The following SEPTIN9 variants were observed in gnomAD, a reference collection of about 807,000 sequenced individuals.
SEPTIN9 encodes septin 9.
Under a neutral mutation model 56.6 loss-of-function variants are expected in SEPTIN9, and 13 were observed. That is an observed-to-expected ratio of 0.23 (90% CI 0.15 to 0.37). SEPTIN9 has a LOEUF of 0.37. Among genes scored for constraint, SEPTIN9 ranks in the 10% least tolerant of loss-of-function variants. SEPTIN9 has a pLI of 1.00. For missense variants in SEPTIN9, 650 were observed against 823.1 expected, an observed-to-expected ratio of 0.79 and a Z score of 2.57; for synonymous variants, 332 against 334.1, an observed-to-expected ratio of 0.99 and a Z score of 0.07.
Position 77,335,314 on chromosome 17 carries a change from G to A in SEPTIN9, c.76+28117G>A, listed in dbSNP as rs113931909. ...TATTAGTATATGTACATATATACAT[G>A]TAGGCCCCATGTTGACTGTATATGT... On this transcript the variant is annotated intron_variant, in intron 2 of 11. Coordinates refer to ENST00000427177, the MANE Select transcript of SEPTIN9 (RefSeq NM_001113491.2). 8.1e-5 allele frequency among the ~76,000 whole-genome samples: 12 copies of A among 147,374 alleles called. No homozygotes were observed. In the South Asian group the frequency reaches 1.1e-3, roughly 13 times the overall value.
In SEPTIN9 at chr17:77,482,170, G is replaced by A. The variant is rs568388045; in HGVS notation, c.748G>A (p.Gly250Ser). 25 of 1,596,368 alleles carry A rather than the reference G, an allele frequency of 1.6e-5. No homozygotes were observed. Among genetic ancestry groups the A allele is most frequent in the Non-Finnish European group, 1.5e-5 (18 of 1,172,312 alleles). The change falls in exon 4 of 12, where the codon GGC becomes AGC. Residue 250 changes from glycine (G) to serine (S), a missense_variant. Transcript: ENST00000427177. Reference sequence around the variant, plus strand: ...CACTGAGGCGGCTCCCAGCTGCGTTGGCGACATGGCCGACACCCCCAGAGA... The same window carrying A: ...CACTGAGGCGGCTCCCAGCTGCGTTAGCGACATGGCCGACACCCCCAGAGA... ...EATEAAPSCV[G>S]DMADTPRDAG...
chr17:77,472,151 A>AG (rs1033877846), intron 3 of SEPTIN9, among the ~76,000 whole-genome samples: 2 of 151,912 alleles, frequency 1.3e-5, no homozygotes, highest in Non-Finnish European at 2.9e-5. Flanking sequence ...CAGGCTAGGG[A>AG]GGTGGTGGGT....
At position 77,499,839 on chromosome 17, in the gene SEPTIN9, C is replaced by T; in HGVS notation, c.*1181C>T. The T allele has an allele frequency of 3.2e-6, 1 of 314,718 alleles. No homozygotes were observed. Among genetic ancestry groups the T allele is most frequent in the Non-Finnish European group, 6.0e-6 (1 of 166,768 alleles). The allele number at this position is 314,718 out of a possible 1,614,324, so 19.5% of individuals were successfully genotyped here. ...CCTGACTCTGTTGATCTACCCGTGC[C>T]TGGGCCCCTCCCCTCAGAGCCCATG... On this transcript the variant is annotated 3_prime_UTR_variant, in exon 12 of 12. Transcript: ENST00000427177.
chr17:77,337,121 C>T (rs2033580652), intron 2 of SEPTIN9, among the ~76,000 whole-genome samples: 1 of 151,792 alleles, frequency 6.6e-6, no homozygotes, highest in African/African-American at 2.4e-5. Flanking sequence ...CCACCTCAGC[C>T]TCCTAAGTAG....
intron 2 of SEPTIN9, among the ~76,000 whole-genome samples, chr17:77,350,106 T>C (rs972463479): frequency 1.3e-5 from 2 of 152,250 alleles, no homozygotes; most frequent in Non-Finnish European, 2.9e-5. Flanking sequence ...CCAGGAGTTA[T>C]GGCTGTTTCA....
At position 77,498,676 on chromosome 17, in the gene SEPTIN9, C is replaced by CCCCCGGA; in HGVS notation, c.*20_*21insCCGGACC. ...AGATGTAGACGCCACCCTGCCCACC[C>CCCCCGGA]CCGGGATCCTGCCCCCAAGTCATTT... On this transcript the variant is annotated 3_prime_UTR_variant, in exon 12 of 12. Transcript: ENST00000427177. 6.6e-7 allele frequency: 1 copy of CCCCCGGA among 1,525,766 alleles called. No homozygotes were observed. Among genetic ancestry groups the CCCCCGGA allele is most frequent in the Non-Finnish European group, 8.8e-7 (1 of 1,132,780 alleles). The allele number at this position is 1,525,766 out of a possible 1,614,324, so 94.5% of individuals were successfully genotyped here. A position where few individuals can be genotyped will look rare whatever the true frequency, so the allele number is the denominator to read the frequency against.
At chr17:77,345,784 G>C (rs1291739552) in intron 2 of SEPTIN9, among the ~76,000 whole-genome samples, 2 of 152,286 alleles carry the variant, frequency 1.3e-5, no homozygotes, top group African/African-American at 2.4e-5. Context: ...CCTGTGGATA[G>C]AGCCTGACAT....
chr17:77,376,276 G>A (rs866118713), intron 2 of SEPTIN9: 120 of 985,850 alleles, frequency 1.2e-4, no homozygotes, highest in South Asian at 1.4e-4. Context: ...AGGCATGCCC[G>A]CCGGGAGTGC....
At chr17:77,283,658 A>G (rs1345101017) in intron 1 of SEPTIN9, among the ~76,000 whole-genome samples, 1 of 152,210 alleles carries the variant, frequency 6.6e-6, no homozygotes, top group South Asian at 2.1e-4. Flanking sequence ...CCAGACCTGT[A>G]TGTGGGCTTC....
chr17:77,364,088 T>A (rs921879867), intron 2 of SEPTIN9, among the ~76,000 whole-genome samples: 7 of 152,200 alleles, frequency 4.6e-5, no homozygotes, highest in Non-Finnish European at 1.0e-4. Flanking sequence ...TTCATTTAGG[T>A]TGATCTGGCT....
chr17:77,286,724 C>T (rs61000678), intron 1 of SEPTIN9, among the ~76,000 whole-genome samples: 5,182 of 152,274 alleles, frequency 0.034, 298 homozygotes, highest in African/African-American at 0.12. Context: ...GGCAGTGTTG[C>T]GTGGGCTCTG....
chr17:77,329,204 G>T lies in SEPTIN9; in HGVS notation c.76+22007G>T, dbSNP rs2033256847. Among the ~76,000 whole-genome samples the T allele has an allele frequency of 2.0e-5, 3 of 152,230 alleles. No homozygotes were observed. The highest frequency in any genetic ancestry group is 2.0e-4 in the Admixed American group (3 of 15,290). ...CTGAGAATGGCCAGGGGCAGGCAGG[G>T]AGGCCTGCTAGGGAGGAGGCTGCTG... On this transcript the variant is annotated intron_variant, in intron 2 of 11. Coordinates refer to ENST00000427177, the MANE Select transcript of SEPTIN9 (RefSeq NM_001113491.2). The surrounding 1 kb of genome is among the most constrained non-coding windows in gnomAD (Gnocchi z 4.3).
chr17:77,456,202 G>A lies in SEPTIN9; in HGVS notation c.722-25942G>A, dbSNP rs1397790665. 6.6e-6 allele frequency among the ~76,000 whole-genome samples: 1 copy of A among 151,544 alleles called. No individual in the cohort carries two copies. The highest frequency in any genetic ancestry group is 6.6e-5 in the Admixed American group (1 of 15,256). On this transcript the variant is annotated intron_variant, in intron 3 of 11. Coordinates refer to ENST00000427177, the MANE Select transcript of SEPTIN9 (RefSeq NM_001113491.2). This position sits in a 1 kb window ranked among gnomAD's most constrained non-coding sequence, Gnocchi z 6.0. ...CTGTCTGTAGCTGGGGGGCCGGGTG[G>A]GTGGGAGCCGAGGCCAGGGAGAACA...
At chr17:77,466,461 G>T (rs940158696) in intron 3 of SEPTIN9, 2 of 985,386 alleles carry the variant, frequency 2.0e-6, no homozygotes, top group South Asian at 4.7e-5. Context: ...TCCGGCTGCT[G>T]CCTGTGTTAG....
At chr17:77,430,610 G>A (rs1315125711) in intron 3 of SEPTIN9, among the ~76,000 whole-genome samples, 1 of 152,200 alleles carries the variant, frequency 6.6e-6, no homozygotes, top group Non-Finnish European at 1.5e-5. Context: ...AGCTGCCTAG[G>A]GAAGACCCCA....
intron 2 of SEPTIN9, chr17:77,373,354 A>AG: frequency 8.4e-7 from 1 of 1,186,456 alleles, no homozygotes; most frequent in African/African-American, 1.6e-5. Context: ...CAGCTGAGCC[A>AG]GGGGGCCTAG....
chr17:77,441,571 T>C (rs978493625), intron 3 of SEPTIN9, among the ~76,000 whole-genome samples: 2 of 152,266 alleles, frequency 1.3e-5, no homozygotes, highest in Non-Finnish European at 2.9e-5. Context: ...GGTGGTTTCA[T>C]TGCCCTCCAT....
rs1435293015 is a variant in SEPTIN9 at position 77,330,725 on chromosome 17, G to C, written c.76+23528G>C. On this transcript the variant is annotated intron_variant, in intron 2 of 11. Coordinates refer to ENST00000427177, the MANE Select transcript of SEPTIN9 (RefSeq NM_001113491.2). This position sits in a 1 kb window ranked among gnomAD's most constrained non-coding sequence, Gnocchi z 4.4. ...ACATGGCTTGACCATCACGGGGACTGGGGGAGAGGCACAGGCATGCCTGTC... is the reference window on the plus strand; with the variant it reads ...ACATGGCTTGACCATCACGGGGACTCGGGGAGAGGCACAGGCATGCCTGTC... Among the ~76,000 whole-genome samples, 1 of 152,224 alleles carries C rather than the reference G, an allele frequency of 6.6e-6. No individual in the cohort carries two copies. Among genetic ancestry groups the C allele is most frequent in the Non-Finnish European group, 1.5e-5 (1 of 68,032 alleles).
In SEPTIN9 at chr17:77,343,790, G is replaced by A. The variant is rs146138135; in HGVS notation, c.76+36593G>A. 3.5e-3 allele frequency among the ~76,000 whole-genome samples: 540 copies of A among 152,290 alleles called. 1 individual carries two copies. The highest frequency in any genetic ancestry group is 6.2e-3 in the Non-Finnish European group (423 of 68,016). Reference sequence around the variant, plus strand: ...ATTGGAGAATTGCTTGGGGGTCGGCGGGAGGAAACCACACATCTGGTGTCA... The same window carrying A: ...ATTGGAGAATTGCTTGGGGGTCGGCAGGAGGAAACCACACATCTGGTGTCA... On this transcript the variant is annotated intron_variant, in intron 2 of 11. Transcript: ENST00000427177.
Sources: allele counts gnomAD v4.1 joint callset (sites outside exome capture counted in the v4.1 genomes callset), GRCh38; gene constraint gnomAD v4.1.1; non-coding constraint Gnocchi (gnomAD v3.1); transcripts MANE v1.5; gene names NCBI Gene and HGNC (gene_info 2026-07-23, HGNC 2026-07-21).